The following KANK2 variants were observed in gnomAD, a reference collection of about 807,000 sequenced individuals.
KANK2 encodes KN motif and ankyrin repeat domains 2.
A neutral mutation model predicts 74.6 loss-of-function variants in KANK2; 41 were observed. The observed-to-expected ratio is 0.55, with a 90% CI of 0.43 to 0.71. The LOEUF is 0.71. KANK2 is among the 30% of genes least tolerant of loss of function. KANK2 has a pLI of 0.00. For synonymous variants in KANK2, 537 were observed against 519.0 expected, an observed-to-expected ratio of 1.03 and a Z score of -0.47; for missense variants, 1,148 against 1,196.4, an observed-to-expected ratio of 0.96 and a Z score of 0.60.
intron 4 of KANK2, among the ~76,000 whole-genome samples, chr19:11,181,088 CAAAAAAAAAAAA>C (rs752985367): frequency 1.7e-4 from 4 of 24,112 alleles, no homozygotes; most frequent in Admixed American, 9.4e-4. Flanking sequence ...CTCTTGTCTC[CAAAAAAAAAAAA>C]AAAAAAAAAA....
chr19:11,192,419 G>A (rs939833600), intron 4 of KANK2: 2 of 278,748 alleles, frequency 7.2e-6, no homozygotes, highest in African/African-American at 4.6e-5. Context: ...GCTGGGGCTG[G>A]ACCTTGGCAT....
chr19:11,178,584 G>C lies in KANK2; in HGVS notation c.1386C>G (p.Ala462=), dbSNP rs1248625858. The C allele has an allele frequency of 6.2e-7, 1 of 1,604,788 alleles. No homozygotes were observed. Among genetic ancestry groups the C allele is most frequent in the Non-Finnish European group, 8.5e-7 (1 of 1,176,334 alleles). Residue 462 remains alanine, a synonymous_variant, in exon 5 of 13, where the codon GCC becomes GCG. Transcript: ENST00000586659. ...CCCCGGCCTCCTCGGACTCTTGGGA[G>C]GCTGCTTGCCTGGTGGGCTCCCTGT... is the stretch of plus-strand genomic sequence containing the variant. ...PTHREPTRQA[A]SQESEEAGGT...
At chr19:11,183,337 C>T (rs897826175) in intron 4 of KANK2, among the ~76,000 whole-genome samples, 1 of 152,184 alleles carries the variant, frequency 6.6e-6, no homozygotes, top group Non-Finnish European at 1.5e-5. Context: ...GGAGAAGCAG[C>T]TTACTTTACA....
In KANK2 at chr19:11,170,724, G is replaced by C. The variant is rs1478221168; in HGVS notation, c.2212-476C>G. On this transcript the variant is annotated intron_variant, in intron 10 of 12. Coordinates refer to ENST00000586659, the MANE Select transcript of KANK2 (RefSeq NM_001136191.3). This position sits in a 1 kb window ranked among gnomAD's most constrained non-coding sequence, Gnocchi z 5.2. ...TCCCACCTCAGCCTCCCGAGTAGCT[G>C]AGACTACAGGCATGCGCCACAATGC... Among the ~76,000 whole-genome samples the C allele has an allele frequency of 6.6e-6, 1 of 152,198 alleles. No homozygotes were observed. Among genetic ancestry groups the C allele is most frequent in the Non-Finnish European group, 1.5e-5 (1 of 68,026 alleles).
Position 11,193,663 on chromosome 19 carries a change from C to T in KANK2, c.417G>A (p.Ala139=), listed in dbSNP as rs1167500969. 17 of 1,602,452 alleles carry T rather than the reference C, an allele frequency of 1.1e-5. No individual in the cohort carries two copies. Among genetic ancestry groups the T allele is most frequent in the Admixed American group, 3.4e-5 (2 of 59,440 alleles). Reference sequence around the variant, plus strand: ...GGGAGCCCAGGCCGGTGGGTGTGGCCGCCTGGTCCTCGAGACGGCGACGGG... The same window carrying T: ...GGGAGCCCAGGCCGGTGGGTGTGGCTGCCTGGTCCTCGAGACGGCGACGGG... ...LDARRRLEDQ[A]ATPTGLGSLT... is the part of the protein sequence containing the mutation. The change falls in exon 4 of 13, where the codon GCG becomes GCA. Residue 139 remains alanine, a synonymous_variant. Transcript: ENST00000586659. This position sits in a 1 kb window ranked among gnomAD's most constrained non-coding sequence, Gnocchi z 9.6.
intron 7 of KANK2, among the ~76,000 whole-genome samples, chr19:11,176,225 G>A (rs1485003461): frequency 6.6e-6 from 1 of 152,180 alleles, no homozygotes; most frequent in Non-Finnish European, 1.5e-5. Context: ...ATGCCCACTG[G>A]CAGATGGAAA....
chr19:11,182,636 G>A (rs1436966994), intron 4 of KANK2, among the ~76,000 whole-genome samples: 1 of 151,672 alleles, frequency 6.6e-6, no homozygotes, highest in East Asian at 1.9e-4. Context: ...AAGGTTAGGA[G>A]ATCGAGACCA....
intron 4 of KANK2, among the ~76,000 whole-genome samples, chr19:11,182,714 G>A (rs1262750927): frequency 4.7e-5 from 7 of 149,128 alleles, no homozygotes; most frequent in Non-Finnish European, 8.9e-5. Context: ...ATGGTGGCAC[G>A]TGCCTGTAGT....
In KANK2 at chr19:11,193,904, A is replaced by G. The variant is rs924487064; in HGVS notation, c.176T>C (p.Leu59Pro). 1 of 1,613,814 alleles carries G rather than the reference A, an allele frequency of 6.2e-7. No homozygotes were observed. Residue 59 changes from leucine to proline, a missense_variant, in exon 4 of 13, where the codon CTG (leucine) becomes CCG (proline). Transcript: ENST00000586659. This position sits in a 1 kb window ranked among gnomAD's most constrained non-coding sequence, Gnocchi z 9.6. ...YVDDIEKGHT[L>P]RRVAVQRRPR... Reference sequence around the variant, plus strand: ...GCGGCGCTGCACTGCCACGCGTCGCAGCGTGTGGCCCTTCTCGATGTCATC... The same window carrying G: ...GCGGCGCTGCACTGCCACGCGTCGCGGCGTGTGGCCCTTCTCGATGTCATC...
In KANK2 at chr19:11,193,823, G is replaced by A. The variant is rs746508563; in HGVS notation, c.257C>T (p.Ser86Leu). 4.3e-6 allele frequency: 7 copies of A among 1,612,714 alleles called. No individual in the cohort carries two copies. In the South Asian group the frequency reaches 5.5e-5, roughly 13 times the overall value. ...GTCCCCACTGGCATTGGAGCACAGC[G>A]ACTCAGTGGACGTCCACCAGGAGCC... ...GPGSWWTSTE[S>L]LCSNASGDSR... The change falls in exon 4 of 13, where the codon TCG becomes TTG. Residue 86 changes from serine to leucine, a missense_variant. Physicochemically the swap from Ser to Leu is moderately radical, Grantham distance 145 (BLOSUM62 -2). Transcript: ENST00000586659. This position sits in a 1 kb window ranked among gnomAD's most constrained non-coding sequence, Gnocchi z 9.6.
At chr19:11,179,627 G>A (rs1680012224) in intron 4 of KANK2, among the ~76,000 whole-genome samples, 1 of 151,218 alleles carries the variant, frequency 6.6e-6, no homozygotes, top group South Asian at 2.1e-4. Flanking sequence ...AACAGAGAGA[G>A]ACTGTCCTGA....
chr19:11,192,721 C>G (rs752556015), intron 4 of KANK2, 110 bp downstream of exon 4: 1 of 1,380,594 alleles, frequency 7.2e-7, no homozygotes, highest in Admixed American at 1.8e-5. Flanking sequence ...AGGCATGCGC[C>G]ACCGCACCCT....
intron 4 of KANK2, among the ~76,000 whole-genome samples, chr19:11,187,498 TG>T (rs1019787364): frequency 2.0e-5 from 3 of 150,562 alleles, no homozygotes; most frequent in African/African-American, 7.3e-5. Context: ...TTAGATGGGG[TG>T]GGGGTGGCAC....
rs372511483 is a variant in KANK2, at chr19:11,166,560, A to G, written c.2554T>C (p.Ter852GlnextTer2). 41 of 1,613,882 alleles carry G rather than the reference A, an allele frequency of 2.5e-5. No homozygotes were observed. In the Middle Eastern group the frequency reaches 4.9e-4, roughly 19 times the overall value. The change falls in exon 13 of 13, where the codon TAG becomes CAG. Residue 852 changes from the stop codon to glutamine, a stop_lost. Coordinates refer to ENST00000586659, the MANE Select transcript of KANK2 (RefSeq NM_001136191.3). Reference sequence around the variant, plus strand: ...GCTGGTCCCCGCCTCCCTCACGGCTACTCTTCTGCCGAGGATGATGTAGGG... The same window carrying G: ...GCTGGTCCCCGCCTCCCTCACGGCTGCTCTTCTGCCGAGGATGATGTAGGG... ...ESPTSSSAEE* is the reference protein window; with the variant it reads ...ESPTSSSAEEQ
intron 4 of KANK2, among the ~76,000 whole-genome samples, chr19:11,180,537 C>T (rs1031625039): frequency 6.6e-6 from 1 of 152,156 alleles, no homozygotes; most frequent in Non-Finnish European, 1.5e-5. Context: ...ACTCGGTCAT[C>T]GGCATGGCCA....
intron 2 of KANK2, chr19:11,195,135 A>C (rs916603553): frequency 5.2e-5 from 8 of 152,420 alleles, no homozygotes; most frequent in Non-Finnish European, 1.0e-4. Context: ...AGGGGTAGGG[A>C]AAGTTGGGGA....
intron 2 of KANK2, 101 bp downstream of exon 2, chr19:11,195,521 C>T (rs539103856): frequency 1.3e-5 from 2 of 152,404 alleles, no homozygotes; most frequent in African/African-American, 4.8e-5. Flanking sequence ...AGAGTAAATC[C>T]TTTCTGGCCT....
Position 11,176,751 on chromosome 19 carries a change from G to A in KANK2, c.1587C>T (p.Asn529=), listed in dbSNP as rs753574619. ...ENISDNDSTE[N]EAPEPRERVP... ...CCCTCTCCCTCGGCTCTGGGGCCTC[G>A]TTCTCTGTGCTGTCGTTGTCTGAGA... Residue 529 remains asparagine (N), a synonymous_variant, in exon 7 of 13, where the codon AAC becomes AAT. Transcript: ENST00000586659. The A allele has an allele frequency of 1.7e-5, 28 of 1,605,962 alleles. No homozygotes were observed. In the African/African-American group the frequency reaches 2.8e-4, roughly 16 times the overall value.
rs1261042584 is a variant in KANK2 at position 11,185,985 on chromosome 19, T to C, written c.1249+6846A>G. ...GGTTTAGGCTGCAGTGAACTGTGAC[T>C]GTGCCACTGCACTCCAGCCTGGGTG... On this transcript the variant is annotated intron_variant, in intron 4 of 12. Coordinates refer to ENST00000586659, the MANE Select transcript of KANK2 (RefSeq NM_001136191.3). Among the ~76,000 whole-genome samples, 9 of 152,190 alleles carry C rather than the reference T, an allele frequency of 5.9e-5. No individual in the cohort carries two copies. In the East Asian group the frequency reaches 1.7e-3, roughly 29 times the overall value.
Sources: gnomAD v4.1 joint callset for allele counts (sites outside exome capture counted in the v4.1 genomes callset) on GRCh38, gnomAD v4.1.1 for gene constraint, Gnocchi (gnomAD v3.1) non-coding constraint, MANE v1.5 for transcripts, NCBI Gene and HGNC (gene_info 2026-07-23, HGNC 2026-07-21) for gene names.